The following TUSC3 variants were observed in gnomAD, a reference collection of about 807,000 sequenced individuals.
TUSC3 encodes the protein tumor suppressor candidate 3.
A neutral mutation model predicts 44.8 loss-of-function variants in TUSC3; 45 were observed. The observed-to-expected ratio is 1.00, with a 90% CI of 0.79 to 1.29. The LOEUF is 1.29. TUSC3 is among the 50% of genes most tolerant of loss of function. The pLI is 0.00. For synonymous variants in TUSC3, 212 were observed against 152.9 expected, an observed-to-expected ratio of 1.39 and a Z score of -2.85; for missense variants, 519 against 437.9, an observed-to-expected ratio of 1.19 and a Z score of -1.65.
chr8:15,584,186 T>C (rs1206453248), intron 1 of TUSC3, among the ~76,000 whole-genome samples: 3 of 152,222 alleles, frequency 2.0e-5, no homozygotes, highest in Non-Finnish European at 4.4e-5. Flanking sequence ...AGTATTTTTA[T>C]GGTTAATTTG....
the TUSC3 span, among the ~76,000 whole-genome samples, chr8:15,788,952 T>G: frequency 6.6e-6 from 1 of 152,186 alleles, no homozygotes; most frequent in African/African-American, 2.4e-5. Flanking sequence ...TTAGGAAAAT[T>G]AAGCAGATGG....
chr8:15,544,551 T>A (rs1801801825), intron 1 of TUSC3, among the ~76,000 whole-genome samples: 1 of 151,866 alleles, frequency 6.6e-6, no homozygotes, highest in Non-Finnish European at 1.5e-5. Context: ...TCAATTGCCT[T>A]TGACATAACT....
At chr8:15,537,159 G>GC (rs1801535581), upstream of TUSC3, among the ~76,000 whole-genome samples, 1 of 146,366 alleles carries the variant, frequency 6.8e-6, no homozygotes, top group Non-Finnish European at 1.5e-5. Flanking sequence ...TCTGAAGTCT[G>GC]TCTGAGAGAT....
In TUSC3 at chr8:15,455,867, G is replaced by T. The variant is rs951630747; in HGVS notation, n.92-27519G>T. ...TAATGAGAGACCACCAGGCTAGGAG[G>T]ATAGAGGAGACTGAATTCTGCTAAA... On this transcript the variant is annotated intron_variant and non_coding_transcript_variant, in intron 1 of 5. Coordinates refer to the TUSC3 transcript ENST00000503191. 2.4e-4 allele frequency among the ~76,000 whole-genome samples: 37 copies of T among 152,302 alleles called. 1 individual carries two copies. The highest frequency in any genetic ancestry group is 8.4e-4 in the African/African-American group (35 of 41,568).
At position 15,438,066 on chromosome 8, in the gene TUSC3, T is replaced by C. The variant is rs79075522; in HGVS notation, n.91+20761T>C. ...TTTCCTCACCTGTGAAATGAGGTTG[T>C]TGTGTTTTTTTAGCTTTGTTGTCGA... On this transcript the variant is annotated intron_variant and non_coding_transcript_variant, in intron 1 of 5. Coordinates refer to the TUSC3 transcript ENST00000503191. 2.4e-4 allele frequency among the ~76,000 whole-genome samples: 37 copies of C among 152,314 alleles called. No homozygotes were observed. In the East Asian group the frequency reaches 4.8e-3, roughly 20 times the overall value.
chr8:15,422,355 C>G (rs866524167), intron 1 of TUSC3, among the ~76,000 whole-genome samples: 4 of 152,176 alleles, frequency 2.6e-5, no homozygotes, highest in Admixed American at 2.0e-4. Context: ...GTATCCATTT[C>G]TATCACTTTA....
At chr8:15,700,963 C>T (rs1278786727) in intron 6 of TUSC3, among the ~76,000 whole-genome samples, 12 of 149,640 alleles carry the variant, frequency 8.0e-5, no homozygotes, top group Non-Finnish European at 1.8e-4. Flanking sequence ...CCGGAGGTCC[C>T]TATTCTGTGT....
At position 15,764,526 on chromosome 8, in the gene TUSC3, C is replaced by G; in HGVS notation, c.*370C>G. ...CTGTTTACTCATTAGTAAAGGACCG[C>G]AATGTTAGTAAAGAAAACCTATGAA... is the stretch of plus-strand genomic sequence containing the variant. On this transcript the variant is annotated 3_prime_UTR_variant, in exon 11 of 11. Coordinates refer to ENST00000503731, the MANE Select transcript of TUSC3 (RefSeq NM_006765.4). 3.4e-6 allele frequency: 1 copy of G among 294,154 alleles called. No individual in the cohort carries two copies. Among genetic ancestry groups the G allele is most frequent in the Non-Finnish European group, 6.5e-6 (1 of 152,956 alleles). The allele number at this position is 294,154 out of a possible 1,614,324, so 18.2% of individuals were successfully genotyped here.
chr8:15,494,705 G>C (rs944130112), intron 2 of TUSC3, among the ~76,000 whole-genome samples: 1 of 152,194 alleles, frequency 6.6e-6, no homozygotes, highest in Non-Finnish European at 1.5e-5. Context: ...TAATGGAACA[G>C]TGTGGCATCA....
chr8:15,781,320 C>A, the TUSC3 span, among the ~76,000 whole-genome samples: 3 of 152,178 alleles, frequency 2.0e-5, no homozygotes, highest in African/African-American at 7.2e-5. Flanking sequence ...CTGGCTCTTA[C>A]CTTACCTGTC....
chr8:15,645,484 C>G (rs144191371), intron 2 of TUSC3, among the ~76,000 whole-genome samples: 134 of 152,190 alleles, frequency 8.8e-4, no homozygotes, highest in African/African-American at 3.1e-3. Context: ...ATCTCATCCT[C>G]TGTATGCTGT....
intron 2 of TUSC3, among the ~76,000 whole-genome samples, chr8:15,513,941 T>G (rs113494563): frequency 1.4e-4 from 22 of 152,254 alleles, no homozygotes; most frequent in African/African-American, 5.1e-4. Flanking sequence ...CTCTCCCTTC[T>G]TCCTCTTCCC....
At chr8:15,568,887 T>TC (rs917513608) in intron 1 of TUSC3, among the ~76,000 whole-genome samples, 5 of 152,122 alleles carry the variant, frequency 3.3e-5, no homozygotes, top group Non-Finnish European at 7.4e-5. Context: ...TATTTTTTTT[T>TC]CCTCATATTT....
the TUSC3 span, among the ~76,000 whole-genome samples, chr8:15,772,674 G>A: frequency 1.3e-5 from 2 of 152,108 alleles, no homozygotes; most frequent in Non-Finnish European, 2.9e-5. Flanking sequence ...TATTAACCTT[G>A]ACACCACACC....
intron 6 of TUSC3, among the ~76,000 whole-genome samples, chr8:15,703,778 C>G (rs1166450700): frequency 6.6e-6 from 1 of 152,088 alleles, no homozygotes; most frequent in South Asian, 2.1e-4. Flanking sequence ...ACCAAGTCCC[C>G]CATGATCCAA....
intron 7 of TUSC3, chr8:15,733,242 A>G (rs746650955): frequency 3.5e-6 from 1 of 286,116 alleles, no homozygotes; most frequent in Non-Finnish European, 6.8e-6. Flanking sequence ...CTATTTAAAG[A>G]TATTCAGGAA....
chr8:15,751,936 G>C (rs748681729), intron 9 of TUSC3, among the ~76,000 whole-genome samples: 2 of 152,140 alleles, frequency 1.3e-5, no homozygotes, highest in South Asian at 2.1e-4. Context: ...AGGGAACTAA[G>C]TGATAAAGGA....
intron 1 of TUSC3, among the ~76,000 whole-genome samples, chr8:15,463,817 C>T (rs974808705): frequency 3.3e-5 from 5 of 152,194 alleles, no homozygotes; most frequent in African/African-American, 1.2e-4. Flanking sequence ...GCAATTTATA[C>T]TCATTTCTGA....
chr8:15,442,084 C>T (rs1800028199), intron 1 of TUSC3, among the ~76,000 whole-genome samples: 1 of 152,124 alleles, frequency 6.6e-6, no homozygotes, highest in Admixed American at 6.5e-5. Context: ...TTAGTATTAA[C>T]ACTGACTCCA....
Sources: allele counts gnomAD v4.1 joint callset (sites outside exome capture counted in the v4.1 genomes callset), GRCh38; gene constraint gnomAD v4.1.1; transcripts MANE v1.5; gene names NCBI Gene and HGNC (gene_info 2026-07-23, HGNC 2026-07-21).